The following SP100 variants were observed in gnomAD, a reference collection of about 807,000 sequenced individuals.
SP100 encodes SP100 nuclear body protein, also known as nuclear autoantigen Sp-100.
SP100 carries 84 observed loss-of-function variants against 130.0 expected under a neutral mutation model. The ratio of observed to expected loss-of-function variants is 0.65; its 90% confidence interval spans 0.54 to 0.77. The LOEUF (loss-of-function observed/expected upper bound fraction) is 0.77. Ranked by LOEUF, SP100 falls within the 30% of genes least tolerant of loss-of-function variation. The probability of loss-of-function intolerance (pLI) is 0.00; values close to 1 mark genes in which losing one functional copy is unlikely to be tolerated. For missense variants in SP100, 978 were observed against 1,052.2 expected (o/e 0.93, Z 0.97); for synonymous variants, 331 against 351.7 (o/e 0.94, Z 0.66).
intron 17 of SP100, among the ~76,000 whole-genome samples, 158 bp from the exon 18 acceptor site, chr2:230,494,258 C>T (rs58268307): frequency 0.01 from 1,565 of 152,040 alleles, 28 homozygotes; most frequent in African/African-American, 0.036. Flanking sequence ...TTGGTTTCTG[C>T]GTGACAACAA....
intron 13 of SP100, 111 bp downstream of exon 13, chr2:230,467,326 A>G: frequency 1.3e-6 from 1 of 748,032 alleles, no homozygotes; most frequent in Non-Finnish European, 2.3e-6. Flanking sequence ...CTCTGCATCT[A>G]CCTCATCTGG....
At chr2:230,463,733 C>G (rs966945922) in intron 10 of SP100, 3 of 171,958 alleles carry the variant, frequency 1.7e-5, no homozygotes, top group African/African-American at 7.2e-5. Context: ...AAAAAGCTCA[C>G]GAATTTAACA....
At chr2:230,427,505 G>A (rs190752027) in intron 2 of SP100, among the ~76,000 whole-genome samples, 2 of 151,736 alleles carry the variant, frequency 1.3e-5, no homozygotes, top group Admixed American at 6.6e-5. Context: ...ATATTGTGGG[G>A]TTTTTTTTAA....
In SP100 at chr2:230,446,910, T is replaced by A. The variant is rs1467479338; in HGVS notation, c.523+8T>A. 6.4e-7 allele frequency: 1 copy of A among 1,572,072 alleles called. No homozygotes were observed. Among genetic ancestry groups the A allele is most frequent in the Admixed American group, 1.7e-5 (1 of 58,720 alleles). ...AACTAAGTCTTGAACAAGGTAAAAA[T>A]GACAGAATAAAAGCTTTTTTCTAAG... On this transcript the variant is annotated splice_region_variant and intron_variant, in intron 5 of 28. Coordinates refer to ENST00000340126, the MANE Select transcript of SP100 (RefSeq NM_001080391.2).
chr2:230,515,974 T>C, intron 24 of SP100: 2 of 1,014,432 alleles, frequency 2.0e-6, no homozygotes, highest in Non-Finnish European at 2.4e-6. Context: ...ATGTAGCTTA[T>C]ACAAAACATT....
chr2:230,463,404 C>T, intron 10 of SP100, among the ~76,000 whole-genome samples: 1 of 152,074 alleles, frequency 6.6e-6, no homozygotes, highest in East Asian at 1.9e-4. Context: ...CCTTTACTTT[C>T]TAGATCCAGA....
At position 230,540,680 on chromosome 2, in the gene SP100, T is replaced by A. The variant is rs1692137608; in HGVS notation, c.2211-196T>A. On this transcript the variant is annotated intron_variant, in intron 25 of 28. Transcript: ENST00000340126. ...ACTTCAGCCAACAGATGATCACCCC[T>A]GCTATCACTATTGGTGGGAGGGCAT... Among the ~76,000 whole-genome samples, 4 of 152,174 alleles carry A rather than the reference T, an allele frequency of 2.6e-5. No individual in the cohort carries two copies. The South Asian group carries it at 8.3e-4, about 31-fold the overall frequency.
intron 11 of SP100, among the ~76,000 whole-genome samples, chr2:230,464,952 C>G (rs2064862758): frequency 6.6e-6 from 1 of 151,984 alleles, no homozygotes; most frequent in East Asian, 1.9e-4. Flanking sequence ...ATTAGCCAGG[C>G]ATGGGCCGGG....
intron 6 of SP100, chr2:230,449,354 C>T: frequency 1.3e-6 from 1 of 779,216 alleles, no homozygotes; most frequent in Non-Finnish European, 2.3e-6. Context: ...CCCTTAATCA[C>T]ACTTGCTGCT....
At chr2:230,462,240 T>G (rs2064693801) in intron 9 of SP100, among the ~76,000 whole-genome samples, 195 bp from the exon 10 acceptor site, 1 of 152,172 alleles carries the variant, frequency 6.6e-6, no homozygotes, top group Non-Finnish European at 1.5e-5. Context: ...AACTGCCTTC[T>G]GTGTGTCAAT....
Position 230,494,438 on chromosome 2 carries a change from T to A in SP100, c.1623T>A (p.Ser541=), listed in dbSNP as rs2066555339. The change falls in exon 18 of 29, where the codon TCT becomes TCA. Residue 541 remains serine, a synonymous_variant. Coordinates refer to ENST00000340126, the MANE Select transcript of SP100 (RefSeq NM_001080391.2). ...CAGGAAAAAAGAGAAGGCATAGATCTAAAGTAAATGGTCTCCAAAGAGGTA... is the reference window on the plus strand; with the variant it reads ...CAGGAAAAAAGAGAAGGCATAGATCAAAAGTAAATGGTCTCCAAAGAGGTA... ...GKRRKKRRHR[S]KVNGLQRGRK... is the part of the protein sequence containing the mutation. The A allele has an allele frequency of 1.2e-6, 2 of 1,607,920 alleles. No homozygotes were observed. The highest frequency in any genetic ancestry group is 1.7e-6 in the Non-Finnish European group (2 of 1,174,446).
At chr2:230,418,128 A>G (rs1030388200) in intron 2 of SP100, among the ~76,000 whole-genome samples, 4 of 152,164 alleles carry the variant, frequency 2.6e-5, no homozygotes, top group Admixed American at 6.5e-5. Context: ...ATTTTTAAAC[A>G]AAAATATTCT....
chr2:230,422,043 A>G (rs2062782924), intron 2 of SP100, among the ~76,000 whole-genome samples: 1 of 151,834 alleles, frequency 6.6e-6, no homozygotes, highest in Non-Finnish European at 1.5e-5. Context: ...TGAAAATCTT[A>G]TATGTCTTCT....
At chr2:230,528,949 C>G (rs552940671) in intron 24 of SP100, among the ~76,000 whole-genome samples, 3 of 152,050 alleles carry the variant, frequency 2.0e-5, no homozygotes, top group Non-Finnish European at 4.4e-5. Flanking sequence ...GCCTACCAAC[C>G]AAAAAAGTCC....
At chr2:230,473,533 A>G in intron 16 of SP100, 93 bp downstream of exon 16, 2 of 666,580 alleles carry the variant, frequency 3.0e-6, no homozygotes, top group Non-Finnish European at 5.3e-6. Context: ...GTTGAAGCAA[A>G]GCATGAAACA....
intron 17 of SP100, among the ~76,000 whole-genome samples, chr2:230,491,292 T>C (rs2066378477): frequency 6.6e-6 from 1 of 152,230 alleles, no homozygotes; most frequent in South Asian, 2.1e-4. Flanking sequence ...TGCTGGTTCA[T>C]GGAGACTGCG....
intron 24 of SP100, among the ~76,000 whole-genome samples, chr2:230,512,962 T>A (rs972647664): frequency 7.4e-5 from 11 of 149,242 alleles, no homozygotes; most frequent in Admixed American, 6.5e-4. Flanking sequence ...TTTGTGCTCC[T>A]ATGAGAATTT....
chr2:230,522,386 T>C (rs921180385), intron 24 of SP100, among the ~76,000 whole-genome samples: 9 of 152,032 alleles, frequency 5.9e-5, no homozygotes, highest in African/African-American at 1.4e-4. Context: ...TGGAGTTCCA[T>C]GTATCCAGGC....
chr2:230,430,749 G>A (rs1209966868), intron 2 of SP100, among the ~76,000 whole-genome samples: 1 of 152,102 alleles, frequency 6.6e-6, no homozygotes, highest in Non-Finnish European at 1.5e-5. Flanking sequence ...GTTGCTTGGG[G>A]CCCCAAAGCT....
Sources: allele counts gnomAD v4.1 joint callset (sites outside exome capture counted in the v4.1 genomes callset), GRCh38; gene constraint gnomAD v4.1.1; transcripts MANE v1.5; gene names NCBI Gene and HGNC (gene_info 2026-07-23, HGNC 2026-07-21).